The following ABCC3 variants were observed in gnomAD, a reference collection of about 807,000 sequenced individuals.
The protein encoded by ABCC3 is ATP binding cassette subfamily C member 3.
Under a neutral mutation model 165.3 loss-of-function variants are expected in ABCC3, and 121 were observed. The ratio of observed to expected loss-of-function variants is 0.73; its 90% confidence interval spans 0.63 to 0.85. The LOEUF is 0.85. ABCC3 is among the 40% of genes least tolerant of loss of function. ABCC3 has a pLI of 0.00. For missense variants in ABCC3, 1,869 were observed against 1,964.1 expected (o/e 0.95, Z 0.92); for synonymous variants, 733 against 810.1 (o/e 0.90, Z 1.62).
chr17:50,659,135 C>T lies in ABCC3; in HGVS notation c.675-102C>T, dbSNP rs763063951. On this transcript the variant is annotated intron_variant, in intron 6 of 30. Coordinates refer to ENST00000285238, the MANE Select transcript of ABCC3 (RefSeq NM_003786.4). ...GTCACAGTGCCCGAGGGAGACCCTCCTTTCTGGAGACCCTGGGGCCCTGGA... is the reference window on the plus strand; with the variant it reads ...GTCACAGTGCCCGAGGGAGACCCTCTTTTCTGGAGACCCTGGGGCCCTGGA... The T allele has an allele frequency of 1.7e-5, 24 of 1,429,406 alleles. No individual in the cohort carries two copies. The South Asian group carries it at 2.7e-4, about 16-fold the overall frequency. The allele number at this position is 1,429,406 out of a possible 1,614,324, so 88.5% of individuals were successfully genotyped here. A position where few individuals can be genotyped will look rare whatever the true frequency, so the allele number is the denominator to read the frequency against.
At chr17:50,675,129 A>C (rs1161201734) in intron 19 of ABCC3, among the ~76,000 whole-genome samples, 2 of 152,070 alleles carry the variant, frequency 1.3e-5, no homozygotes, top group Non-Finnish European at 2.9e-5. Context: ...AGCCAGTCTA[A>C]CTCCAGAGCC....
At chr17:50,670,907 G>A (rs1967634249) in intron 17 of ABCC3, among the ~76,000 whole-genome samples, 2 of 152,144 alleles carry the variant, frequency 1.3e-5, no homozygotes, top group Admixed American at 1.3e-4. Context: ...ATGGAACACT[G>A]GGGAAAATTT....
At chr17:50,641,157 A>G (rs2054228220) in intron 1 of ABCC3, among the ~76,000 whole-genome samples, 1 of 152,222 alleles carries the variant, frequency 6.6e-6, no homozygotes, top group South Asian at 2.1e-4. Flanking sequence ...TTCAGTGACC[A>G]TGAAGTCTGC....
rs778676586 is a variant in ABCC3, at chr17:50,657,109, A to G, written c.412A>G (p.Ile138Val). The G allele has an allele frequency of 6.2e-7, 1 of 1,614,060 alleles. No homozygotes were observed. The highest frequency in any genetic ancestry group is 8.5e-7 in the Non-Finnish European group (1 of 1,180,006). ...GGGCGTACAGTCTTCGGGGGTCCTC[A>G]TTATCTTCTGGTTCCTGTGTGTGGT... The part of the protein sequence containing the change: ...LQGVQSSGVL[I>V]IFWFLCVVCA... The change falls in exon 4 of 31, where the codon ATT (isoleucine) becomes GTT (valine). Residue 138 changes from isoleucine (I) to valine (V), a missense_variant. By Grantham distance (29) the Ile-to-Val change is conservative. Transcript: ENST00000285238.
At chr17:50,641,465 A>AT (rs1966890279) in intron 1 of ABCC3, among the ~76,000 whole-genome samples, 1 of 152,178 alleles carries the variant, frequency 6.6e-6, no homozygotes, top group Admixed American at 6.5e-5. Flanking sequence ...CATTTTACAC[A>AT]TAACTGAGTT....
chr17:50,660,819 C>A, intron 7 of ABCC3, 104 bp from the exon 8 acceptor site: 2 of 818,156 alleles, frequency 2.4e-6, no homozygotes, highest in Non-Finnish European at 1.8e-6. Context: ...GCCAAGAAAA[C>A]AGCTCCTTCC....
chr17:50,665,829 C>T (rs1597852543), intron 11 of ABCC3, among the ~76,000 whole-genome samples: 1 of 151,508 alleles, frequency 6.6e-6, no homozygotes, highest in Non-Finnish European at 1.5e-5. Flanking sequence ...CCAGGCTGGT[C>T]TCAAACTCCT....
In ABCC3 at chr17:50,659,277, G is replaced by T. The variant is rs749183562; in HGVS notation, c.715G>T (p.Asp239Tyr). The T allele has an allele frequency of 6.2e-7, 1 of 1,613,988 alleles. No homozygotes were observed. Among genetic ancestry groups the T allele is most frequent in the South Asian group, 1.1e-5 (1 of 91,080 alleles). The change falls in exon 7 of 31, where the codon GAC becomes TAC. Residue 239 changes from aspartate to tyrosine, a missense_variant. By Grantham distance (160) the Asp-to-Tyr change is radical (BLOSUM62 -3). Coordinates refer to ENST00000285238, the MANE Select transcript of ABCC3 (RefSeq NM_003786.4). ...CTACCGGCATCCCCTGGAGGAGAAGGACCTCTGGTCCCTAAAGGAAGAGGA... is the reference window on the plus strand; with the variant it reads ...CTACCGGCATCCCCTGGAGGAGAAGTACCTCTGGTCCCTAAAGGAAGAGGA... Reference protein sequence around the residue: ...YGYRHPLEEKDLWSLKEEDRS... With the variant: ...YGYRHPLEEKYLWSLKEEDRS...
chr17:50,677,983 TTCCCAGCAGGCTC>T (rs1967857596), intron 24 of ABCC3, 40 bp downstream of exon 24: 2 of 1,613,846 alleles, frequency 1.2e-6, no homozygotes, highest in Non-Finnish European at 1.7e-6. Context: ...CCTCCAGGAA[TTCCCAGCAGGCTC>T]TCTGGTGTTC....
At chr17:50,643,492 G>A (rs1012138799) in intron 1 of ABCC3, 2 of 454,920 alleles carry the variant, frequency 4.4e-6, no homozygotes, top group African/African-American at 4.0e-5. Context: ...GCATGTCCCT[G>A]ACTGCATGCT....
At chr17:50,667,084 G>C (rs2146619609) in intron 11 of ABCC3, among the ~76,000 whole-genome samples, 1 of 152,234 alleles carries the variant, frequency 6.6e-6, no homozygotes, top group South Asian at 2.1e-4. Flanking sequence ...AGCTGGGCAT[G>C]GTTGTTCATG....
rs1968125616 is a variant in ABCC3 at position 50,691,607 on chromosome 17, G to T, written c.*407G>T. The T allele has an allele frequency of 4.6e-6, 1 of 215,862 alleles. No individual in the cohort carries two copies. The highest frequency in any genetic ancestry group is 9.5e-6 in the Non-Finnish European group (1 of 105,290). The allele number at this position is 215,862 out of a possible 1,614,324, so 13.4% of individuals were successfully genotyped here. A position where few individuals can be genotyped will look rare whatever the true frequency, so the allele number is the denominator to read the frequency against. On this transcript the variant is annotated 3_prime_UTR_variant, in exon 31 of 31. Transcript: ENST00000285238. Reference sequence around the variant, plus strand: ...GGAACAGAAGACAGCTGCTGGGTCAGGCCACCCCTAGGAACTCAGTCCTGT... The same window carrying T: ...GGAACAGAAGACAGCTGCTGGGTCATGCCACCCCTAGGAACTCAGTCCTGT...
intron 28 of ABCC3, 70 bp from the exon 29 acceptor site, chr17:50,684,639 C>G: frequency 6.6e-7 from 1 of 1,512,384 alleles, no homozygotes; most frequent in Non-Finnish European, 9.0e-7. Context: ...CTCTTCTTCC[C>G]TGGACCTGGG....
At chr17:50,686,726 T>A (rs1042428901) in intron 29 of ABCC3, among the ~76,000 whole-genome samples, 11 of 152,170 alleles carry the variant, frequency 7.2e-5, no homozygotes, top group Non-Finnish European at 1.0e-4. Context: ...ATAACCTGTG[T>A]CCTGTGCCAG....
intron 26 of ABCC3, among the ~76,000 whole-genome samples, chr17:50,681,349 C>T (rs1040760243): frequency 2.0e-5 from 3 of 152,126 alleles, no homozygotes; most frequent in Non-Finnish European, 4.4e-5. Flanking sequence ...TCTCCTTCAC[C>T]GTTGTCTCCT....
chr17:50,638,838 G>A (rs887564212), intron 1 of ABCC3, among the ~76,000 whole-genome samples: 1 of 152,216 alleles, frequency 6.6e-6, no homozygotes, highest in Non-Finnish European at 1.5e-5. Flanking sequence ...TTGGGCAAAT[G>A]ACTCACCTTC....
In ABCC3 at chr17:50,675,413, G is replaced by A; in HGVS notation, c.2651G>A (p.Ser884Asn). 2 of 1,614,076 alleles carry A rather than the reference G, an allele frequency of 1.2e-6. No homozygotes were observed. The highest frequency in any genetic ancestry group is 2.7e-5 in the African/African-American group (2 of 75,040). Residue 884 changes from serine to asparagine, a missense_variant, in exon 20 of 31, where the codon AGC becomes AAC. Transcript: ENST00000285238. ...GCACTGCTGATTGAAGACACACTCA[G>A]CAACCACACGGATCTGACAGACAAT... ...KEALLIEDTL[S>N]NHTDLTDNDP...
chr17:50,668,755 TC>T, intron 14 of ABCC3, 97 bp from the exon 15 acceptor site: 2 of 1,004,462 alleles, frequency 2.0e-6, no homozygotes, highest in Non-Finnish European at 3.1e-6. Context: ...TGGCCCAGGC[TC>T]CTCCCCTGTC....
In ABCC3 at chr17:50,673,464, C is replaced by T. The variant is rs1207690758; in HGVS notation, c.2410-5C>T. On this transcript the variant is annotated splice_region_variant and splice_polypyrimidine_tract_variant and intron_variant, in intron 18 of 30. Coordinates refer to ENST00000285238, the MANE Select transcript of ABCC3 (RefSeq NM_003786.4). ...AGGGGTGAGAGCCTGCTGCCTTCTC[C>T]CCAGACGCGAGTGCTGGTGACGCAC... 1 of 1,613,466 alleles carries T rather than the reference C, an allele frequency of 6.2e-7. No individual in the cohort carries two copies. The highest frequency in any genetic ancestry group is 1.3e-5 in the African/African-American group (1 of 74,908).
Sources: gnomAD v4.1 joint callset for allele counts (sites outside exome capture counted in the v4.1 genomes callset) on GRCh38, gnomAD v4.1.1 for gene constraint, MANE v1.5 for transcripts, NCBI Gene and HGNC (gene_info 2026-07-23, HGNC 2026-07-21) for gene names.